The following LRTM3 variants were observed in gnomAD, a reference collection of about 807,000 sequenced individuals.
LRTM3 encodes leucine rich repeat transmembrane protein 3.
chr13:102,738,820 C>G, the LRTM3 span: 1 of 1,550,302 alleles, frequency 6.5e-7, no homozygotes, highest in Non-Finnish European at 8.7e-7. Context: ...CTTCCTGAAT[C>G]TTTCCTCCTT....
At chr13:102,737,698 A>T in the LRTM3 span, 1 of 1,549,914 alleles carries the variant, frequency 6.5e-7, no homozygotes. Context: ...GTTGCATGTA[A>T]TCTTTTGCTT....
At chr13:102,732,016 T>A in the LRTM3 span, 5 of 1,551,428 alleles carry the variant, frequency 3.2e-6, no homozygotes, top group Admixed American at 3.9e-5. Flanking sequence ...TTCTGAGGTT[T>A]GCTTCTGATT....
chr13:102,753,109 G>A, the LRTM3 span, among the ~76,000 whole-genome samples: 842 of 152,180 alleles, frequency 5.5e-3, 10 homozygotes, highest in African/African-American at 0.019. Flanking sequence ...AAGAAAATGT[G>A]GCACATATAC....
chr13:102,739,825 T>C, the LRTM3 span: 1 of 1,549,672 alleles, frequency 6.5e-7, no homozygotes, highest in Non-Finnish European at 8.7e-7. Context: ...CACATATTTT[T>C]GCTGCAACCA....
At chr13:102,732,382 A>AT in the LRTM3 span, 1 of 1,551,338 alleles carries the variant, frequency 6.4e-7, no homozygotes, top group South Asian at 1.2e-5. Context: ...GCATCTGTGG[A>AT]ATTGGGTGAT....
chr13:102,737,205 T>C, the LRTM3 span: 22 of 1,551,022 alleles, frequency 1.4e-5, no homozygotes, highest in African/African-American at 2.9e-4. Flanking sequence ...TTCTGTGGCT[T>C]GTATTCTTGT....
chr13:102,732,009 T>A, the LRTM3 span: 1 of 1,551,430 alleles, frequency 6.4e-7, no homozygotes, highest in Non-Finnish European at 8.7e-7. Flanking sequence ...ATTTCACTTC[T>A]GAGGTTTGCT....
chr13:102,738,188 T>C, the LRTM3 span: 2 of 1,550,998 alleles, frequency 1.3e-6, no homozygotes, highest in African/African-American at 2.7e-5. Context: ...GTCTTCTGGA[T>C]GCATTATGTC....
chr13:102,734,566 A>G, the LRTM3 span: 1 of 1,551,082 alleles, frequency 6.4e-7, no homozygotes, highest in South Asian at 1.2e-5. Flanking sequence ...TGCCTCTCAT[A>G]TCGATTATTT....
the LRTM3 span, among the ~76,000 whole-genome samples, chr13:102,753,998 A>G: frequency 6.6e-6 from 1 of 152,056 alleles, no homozygotes; most frequent in Admixed American, 6.6e-5. Flanking sequence ...ATCACTTGAC[A>G]TCGGAGTTTG....
the LRTM3 span, chr13:102,734,608 A>C: frequency 6.4e-7 from 1 of 1,550,894 alleles, no homozygotes; most frequent in Non-Finnish European, 8.7e-7. Context: ...TTTGAGGGAT[A>C]TGTTGCTTTT....
the LRTM3 span, chr13:102,750,045 A>G: frequency 1.3e-6 from 2 of 1,550,196 alleles, no homozygotes; most frequent in South Asian, 1.2e-5. Context: ...CTAGATGCTG[A>G]AAAGCTAAGA....
the LRTM3 span, among the ~76,000 whole-genome samples, chr13:102,750,921 C>G: frequency 1.2e-3 from 190 of 152,246 alleles, 2 homozygotes; most frequent in African/African-American, 3.4e-3. Context: ...TGTGAACTTG[C>G]CAACACCCAT....
At chr13:102,733,488 T>C in the LRTM3 span, 1 of 1,551,302 alleles carries the variant, frequency 6.4e-7, no homozygotes, top group East Asian at 2.4e-5. Context: ...TCCTTAGATA[T>C]TTTCCTTATC....
the LRTM3 span, chr13:102,759,072 C>T: frequency 1.7e-6 from 1 of 586,458 alleles, no homozygotes; most frequent in South Asian, 2.3e-5. Context: ...TTATCAAGTG[C>T]AGCAGTGATT....
At chr13:102,753,963 G>A in the LRTM3 span, among the ~76,000 whole-genome samples, 2 of 152,044 alleles carry the variant, frequency 1.3e-5, no homozygotes, top group East Asian at 3.9e-4. Flanking sequence ...GTAATCCCAG[G>A]TCTCTGGGAG....
chr13:102,748,632 A>T, the LRTM3 span: 2 of 1,550,508 alleles, frequency 1.3e-6, no homozygotes, highest in Non-Finnish European at 1.7e-6. Flanking sequence ...TCTTCTAAAG[A>T]TGTCTTGTGC....
chr13:102,743,141 T>A, the LRTM3 span: 4 of 1,550,612 alleles, frequency 2.6e-6, no homozygotes, highest in Non-Finnish European at 3.5e-6. Context: ...TTCTGTAAGA[T>A]GTTCTTGCTT....
chr13:102,750,897 C>A, the LRTM3 span, among the ~76,000 whole-genome samples: 1 of 152,142 alleles, frequency 6.6e-6, no homozygotes, highest in Non-Finnish European at 1.5e-5. Context: ...GGCCGGAGTA[C>A]TGATCATGGA....
Sources: gnomAD v4.1 joint callset for allele counts (sites outside exome capture counted in the v4.1 genomes callset) on GRCh38, gnomAD v4.1.1 for gene constraint, MANE v1.5 for transcripts, NCBI Gene and HGNC (gene_info 2026-07-23, HGNC 2026-07-21) for gene names.